The following CEP85 variants were observed in gnomAD, a reference collection of about 807,000 sequenced individuals.
CEP85 encodes centrosomal protein of 85 kDa.
A neutral mutation model predicts 93.7 loss-of-function variants in CEP85; 58 were observed. That is an observed-to-expected ratio of 0.62 (90% confidence interval 0.50 to 0.77). CEP85 has a LOEUF of 0.77. CEP85 is among the 30% of genes least tolerant of loss of function. The pLI is 0.00. For missense variants in CEP85, 868 were observed against 922.0 expected, an observed-to-expected ratio of 0.94 and a Z score of 0.76; for synonymous variants, 314 against 338.6, an observed-to-expected ratio of 0.93 and a Z score of 0.80.
intron 3 of CEP85, among the ~76,000 whole-genome samples, chr1:26,245,235 C>T (rs1202464451): frequency 6.6e-6 from 1 of 150,522 alleles, no homozygotes; most frequent in Non-Finnish European, 1.5e-5. Flanking sequence ...TGCTATATAG[C>T]CCAGGCTGGT....
At chr1:26,269,673 C>A in intron 9 of CEP85, 59 bp downstream of exon 9, 1 of 1,378,542 alleles carries the variant, frequency 7.3e-7, no homozygotes. Flanking sequence ...CATAGCCATC[C>A]TGCTCACTTA....
intron 4 of CEP85, among the ~76,000 whole-genome samples, chr1:26,256,955 G>GTGTGTGTGTGTGTGTT (rs747449589): frequency 6.7e-6 from 1 of 150,118 alleles, no homozygotes; most frequent in Non-Finnish European, 1.5e-5. Flanking sequence ...GTGTGTGTGT[G>GTGTGTGTGTGTGTGTT]TTTTGGAGAC....
intron 1 of CEP85, among the ~76,000 whole-genome samples, chr1:26,235,212 C>A (rs2089306474): frequency 6.6e-6 from 1 of 152,188 alleles, no homozygotes; most frequent in Non-Finnish European, 1.5e-5. Flanking sequence ...AGTAGGCACG[C>A]AGTAAATTTC....
At chr1:26,255,902 G>C (rs749423189) in intron 4 of CEP85, 37 bp downstream of exon 4, 6 of 1,514,660 alleles carry the variant, frequency 4.0e-6, no homozygotes, top group Non-Finnish European at 5.4e-6. Context: ...TCTAGGTTCT[G>C]TACAGTTCTT....
chr1:26,273,992 A>G (rs11247896), intron 11 of CEP85, among the ~76,000 whole-genome samples: 24,326 of 149,024 alleles, frequency 0.16, 2,084 homozygotes, highest in Middle Eastern at 0.18. Context: ...CACTTTGGCT[A>G]TTTCATGATC....
At chr1:26,272,938 A>G (rs2090000156) in intron 11 of CEP85, among the ~76,000 whole-genome samples, 1 of 152,166 alleles carries the variant, frequency 6.6e-6, no homozygotes, top group African/African-American at 2.4e-5. Context: ...CTATTACAGC[A>G]TGTAATTGGG....
At chr1:26,265,634 C>T (rs993992605) in intron 7 of CEP85, among the ~76,000 whole-genome samples, 1 of 152,106 alleles carries the variant, frequency 6.6e-6, no homozygotes, top group African/African-American at 2.4e-5. Context: ...ATACTTGCCT[C>T]CATAGTGAGC....
Position 26,277,431 on chromosome 1 carries a change from A to G in CEP85, c.*138A>G. ...GGGGAGAGCCTGCATCTGGGGGCCA[A>G]GGGCTGATTAGGGAACTGTGTCCTA... On this transcript the variant is annotated 3_prime_UTR_variant, in exon 14 of 14. Transcript: ENST00000451429. 1.4e-6 allele frequency: 1 copy of G among 717,760 alleles called. No homozygotes were observed. Among genetic ancestry groups the G allele is most frequent in the Non-Finnish European group, 2.3e-6 (1 of 428,986 alleles). 44.5% of individuals were successfully genotyped at this position (717,760 alleles called of 1,614,324 possible).
At chr1:26,253,634 C>T (rs1159415825) in intron 3 of CEP85, among the ~76,000 whole-genome samples, 1 of 151,862 alleles carries the variant, frequency 6.6e-6, no homozygotes, top group Non-Finnish European at 1.5e-5. Context: ...CATGATCCCC[C>T]CTCCTCAGCC....
Position 26,244,271 on chromosome 1 carries a change from AC to A in CEP85, c.162del (p.Asp54GlufsTer34), listed in dbSNP as rs749907422. ...SRFSRCSSVA[D>X]SGDTAIGTSC... ...TTCAGCCGCTGTTCAAGTGTAGCCG[AC>A]AGTGGGGACACAGCCATTGGTACAT... On this transcript the variant is annotated frameshift_variant, in exon 3 of 14. Coordinates refer to ENST00000451429, the MANE Select transcript of CEP85 (RefSeq NM_001319944.2). LOFTEE classifies it high-confidence loss of function. 1.9e-6 allele frequency: 3 copies of A among 1,613,928 alleles called. No homozygotes were observed. The highest frequency in any genetic ancestry group is 2.5e-6 in the Non-Finnish European group (3 of 1,180,014).
At chr1:26,275,722 A>G (rs1288100618) in intron 12 of CEP85, among the ~76,000 whole-genome samples, 2 of 152,198 alleles carry the variant, frequency 1.3e-5, no homozygotes, top group African/African-American at 4.8e-5. Context: ...GCAGGGGGCA[A>G]CCAAGTTCAC....
intron 6 of CEP85, 129 bp downstream of exon 6, chr1:26,258,389 G>A (rs1351283978): frequency 3.0e-6 from 2 of 676,024 alleles, no homozygotes; most frequent in African/African-American, 3.6e-5. Flanking sequence ...CCTCAAAGAG[G>A]GCATACTAAT....
chr1:26,271,747 T>A, intron 10 of CEP85: 1 of 438,588 alleles, frequency 2.3e-6, no homozygotes, highest in Non-Finnish European at 4.1e-6. Context: ...GGCCTGCAGT[T>A]ATTAGGGTGA....
Position 26,255,191 on chromosome 1 carries a change from A to C in CEP85, c.229A>C (p.Ser77Arg). The change falls in exon 4 of 14, where the codon AGT becomes CGT. Residue 77 changes from serine to arginine, a missense_variant. Physicochemically the swap from Ser to Arg is moderately radical, Grantham distance 110. Transcript: ENST00000451429. Reference sequence around the variant, plus strand: ...CCCAGATTTTTGCAGCTCAAGTGGCAGTCCTCCTTTCCAGCCCATCAAAAG... The same window carrying C: ...CCCAGATTTTTGCAGCTCAAGTGGCCGTCCTCCTTTCCAGCCCATCAAAAG... Reference protein sequence around the residue: ...IAEDFCSSSGSPPFQPIKSHV... With the variant: ...IAEDFCSSSGRPPFQPIKSHV... 1 of 1,613,668 alleles carries C rather than the reference A, an allele frequency of 6.2e-7. No individual in the cohort carries two copies. Among genetic ancestry groups the C allele is most frequent in the East Asian group, 2.2e-5 (1 of 44,860 alleles).
At chr1:26,254,351 G>A (rs2089663521) in intron 3 of CEP85, among the ~76,000 whole-genome samples, 1 of 151,826 alleles carries the variant, frequency 6.6e-6, no homozygotes, top group Non-Finnish European at 1.5e-5. Flanking sequence ...ACCTTGTATA[G>A]TAGGGCTAAT....
chr1:26,245,012 T>A (rs755425483), intron 3 of CEP85, among the ~76,000 whole-genome samples: 25 of 152,106 alleles, frequency 1.6e-4, no homozygotes, highest in Non-Finnish European at 2.9e-4. Flanking sequence ...TTTCCTGCTG[T>A]CACCAAGTCT....
chr1:26,251,251 G>GTTTTTT (rs34370061), intron 3 of CEP85, among the ~76,000 whole-genome samples: 1 of 113,654 alleles, frequency 8.8e-6, no homozygotes, highest in Non-Finnish European at 1.7e-5. Context: ...CCCAAGCTTG[G>GTTTTTT]TTTTTTTTTT....
intron 4 of CEP85, 118 bp downstream of exon 4, chr1:26,255,983 T>C: frequency 1.1e-6 from 1 of 883,408 alleles, no homozygotes; most frequent in East Asian, 2.7e-5. Context: ...GGAAGATGTT[T>C]GTAGACAGGA....
At chr1:26,236,639 G>A (rs947214984) in intron 1 of CEP85, among the ~76,000 whole-genome samples, 1 of 152,096 alleles carries the variant, frequency 6.6e-6, no homozygotes, top group African/African-American at 2.4e-5. Flanking sequence ...GATATTTGTT[G>A]TCAATGAGGG....
Sources: allele counts gnomAD v4.1 joint callset (sites outside exome capture counted in the v4.1 genomes callset), GRCh38; gene constraint gnomAD v4.1.1; transcripts MANE v1.5; gene names NCBI Gene and HGNC (gene_info 2026-07-23, HGNC 2026-07-21).